LRRD1: variants seen among roughly 807,000 people sequenced by gnomAD.
LRRD1 encodes leucine rich repeats and death domain containing 1.
In LRRD1, 49 loss-of-function variants were observed where a neutral mutation model predicts 69.5. That is an observed-to-expected ratio of 0.70 (90% confidence interval 0.56 to 0.89). The LOEUF is 0.89. Ranked by LOEUF, LRRD1 falls within the 40% of genes least tolerant of loss-of-function variation. The probability of loss-of-function intolerance (pLI) is 0.00; values close to 1 mark genes in which losing one functional copy is unlikely to be tolerated. For synonymous variants in LRRD1, 303 were observed against 338.9 expected (o/e 0.89, Z 1.16); for missense variants, 853 against 956.0 (o/e 0.89, Z 1.42).
rs916885243 is a variant in LRRD1, at chr7:92,165,247, AT to A, written c.-46del. The A allele has an allele frequency of 6.8e-5, 79 of 1,153,446 alleles. No homozygotes were observed. The highest frequency in any genetic ancestry group is 7.8e-5 in the Non-Finnish European group (68 of 874,996). 71.5% of individuals were successfully genotyped at this position (1,153,446 alleles called of 1,614,324 possible). A position where few individuals can be genotyped will look rare whatever the true frequency, so the allele number is the denominator to read the frequency against. ...TATGCCAATACAAAATTGTAACTTG[AT>A]TTTAATTTTCATGTTTTTTCCTTTG... On this transcript the variant is annotated 5_prime_UTR_variant, in exon 2 of 6. An upstream open reading frame in the 5' UTR gains an earlier in-frame stop. Transcript: ENST00000458448.
chr7:92,163,997 A>C lies in LRRD1; in HGVS notation c.1206T>G (p.Leu402=). Residue 402 remains leucine (L), a synonymous_variant, in exon 2 of 6, where the codon CTT becomes CTG. Transcript: ENST00000458448. ...SCCAMLECLS[L]SDNKLTELPK... ...GGAGTTCTGTTAATTTATTATCACT[A>C]AGACTAAGGCATTCCAACATTGCAC... is the stretch of plus-strand genomic sequence containing the variant. The C allele has an allele frequency of 6.5e-7, 1 of 1,532,256 alleles. No homozygotes were observed. The highest frequency in any genetic ancestry group is 8.8e-7 in the Non-Finnish European group (1 of 1,140,324). The allele number at this position is 1,532,256 out of a possible 1,614,324, so 94.9% of individuals were successfully genotyped here.
chr7:92,150,553 C>G lies in LRRD1; in HGVS notation c.2259G>C (p.Gln753His). 1 of 1,549,612 alleles carries G rather than the reference C, an allele frequency of 6.5e-7. No homozygotes were observed. The highest frequency in any genetic ancestry group is 8.7e-7 in the Non-Finnish European group (1 of 1,145,948). The change falls in exon 4 of 6, where the codon CAG becomes CAC. Residue 753 changes from glutamine (Q) to histidine (H), a missense_variant. By Grantham distance (24) the Gln-to-His change is conservative. This residue lies in a region of LRRD1 where 739 missense variants were observed against 808.0 expected (regional missense o/e 0.91). Coordinates refer to ENST00000458448, the MANE Select transcript of LRRD1 (RefSeq NM_001161528.2). ...KQLYTIARYLQRADERDEKIL... is the reference protein window; with the variant it reads ...KQLYTIARYLHRADERDEKIL... ...ACCTACCATCTCTTTCATCTGCCCT[C>G]TGTAGATAGCGTGCAATAGTATACA...
At chr7:92,174,493 ATATATATATATATATATTTTTTTTTT>A (rs1348493543) in intron 1 of LRRD1, among the ~76,000 whole-genome samples, 1 of 16,336 alleles carries the variant, frequency 6.1e-5, no homozygotes, top group African/African-American at 2.6e-4. Flanking sequence ...ATATATATAT[ATATATATATATATATATTTTTTTTTT>A]TTTTTTTTTT....
At chr7:92,158,701 G>C (rs1000743917) in intron 3 of LRRD1, among the ~76,000 whole-genome samples, 1 of 152,142 alleles carries the variant, frequency 6.6e-6, no homozygotes, top group African/African-American at 2.4e-5. Context: ...AGGTTGTGTA[G>C]GTGTGTGTAG....
chr7:92,156,580 T>C (rs1788662532), intron 3 of LRRD1, among the ~76,000 whole-genome samples: 1 of 152,228 alleles, frequency 6.6e-6, no homozygotes, highest in South Asian at 2.1e-4. Context: ...AAGAAATCAA[T>C]TTCCAATCAT....
intron 4 of LRRD1, among the ~76,000 whole-genome samples, chr7:92,148,028 G>A (rs980168073): frequency 6.6e-6 from 1 of 152,014 alleles, no homozygotes; most frequent in Non-Finnish European, 1.5e-5. Context: ...GGAACTACAG[G>A]TGCCTCCAGA....
Position 92,159,003 on chromosome 7 carries a change from A to G in LRRD1, c.2116+2T>C. ...TGCTTACTGATTATGCTTGACACTCACCACTCAGGTTTAGTTGCTGCAGAT... is the reference window on the plus strand; with the variant it reads ...TGCTTACTGATTATGCTTGACACTCGCCACTCAGGTTTAGTTGCTGCAGAT... On this transcript the variant is annotated splice_donor_variant, in intron 3 of 5. Transcript: ENST00000458448. LOFTEE classifies it high-confidence loss of function. The G allele has an allele frequency of 6.5e-7, 1 of 1,534,970 alleles. No individual in the cohort carries two copies. Among genetic ancestry groups the G allele is most frequent in the Non-Finnish European group, 8.8e-7 (1 of 1,142,174 alleles).
At position 92,163,738 on chromosome 7, in the gene LRRD1, G is replaced by C; in HGVS notation, c.1465C>G (p.Leu489Val). 6.6e-7 allele frequency: 1 copy of C among 1,509,962 alleles called. No individual in the cohort carries two copies. Among genetic ancestry groups the C allele is most frequent in the Non-Finnish European group, 8.8e-7 (1 of 1,131,646 alleles). 93.5% of individuals were successfully genotyped at this position (1,509,962 alleles called of 1,614,324 possible). The change falls in exon 2 of 6, where the codon CTT becomes GTT. Residue 489 changes from leucine (L) to valine (V), a missense_variant. Around this residue, in one of 3 missense-constraint regions of LRRD1, gnomAD observed 739 missense variants for 808.0 expected, o/e 0.91. Transcript: ENST00000458448. ...TTTCCATTAACACTCAAATAATAAA[G>C]AGAATCTAAAGCACACAGTCCCAAT... Reference protein sequence around the residue: ...FPLGLCALDSLYYLSVNGNYI... With the variant: ...FPLGLCALDSVYYLSVNGNYI...
intron 1 of LRRD1, among the ~76,000 whole-genome samples, chr7:92,171,566 T>C (rs1167848443): frequency 6.6e-6 from 1 of 152,168 alleles, no homozygotes; most frequent in Non-Finnish European, 1.5e-5. Flanking sequence ...CCAGGCCTAG[T>C]GGCTTGACTT....
At chr7:92,157,264 A>G (rs1421884556) in intron 3 of LRRD1, among the ~76,000 whole-genome samples, 3 of 152,114 alleles carry the variant, frequency 2.0e-5, no homozygotes, top group Admixed American at 2.0e-4. Context: ...ATGGTGAATT[A>G]CATGGATTAG....
downstream of LRRD1, among the ~76,000 whole-genome samples, chr7:92,144,665 T>C (rs1370615294): frequency 6.8e-6 from 1 of 147,002 alleles, no homozygotes; most frequent in Non-Finnish European, 1.5e-5. Context: ...TATTTTCAAA[T>C]GCAACATCAC....
downstream of LRRD1, chr7:92,142,491 G>T (rs939569244): frequency 2.2e-6 from 1 of 456,736 alleles, no homozygotes; most frequent in South Asian, 1.5e-5. Context: ...TTCCATAGTA[G>T]CTCTGCAAAA....
intron 1 of LRRD1, among the ~76,000 whole-genome samples, chr7:92,174,509 A>AT (rs35052440): frequency 9.3e-4 from 12 of 12,870 alleles, no homozygotes; most frequent in African/African-American, 1.7e-3. Context: ...ATATATATAT[A>AT]TTTTTTTTTT....
At chr7:92,145,914 T>C (rs1217487436) in intron 5 of LRRD1, among the ~76,000 whole-genome samples, 169 bp downstream of exon 5, 1 of 152,246 alleles carries the variant, frequency 6.6e-6, no homozygotes, top group African/African-American at 2.4e-5. Context: ...TTCTTTATTA[T>C]GTTATATGGC....
intron 2 of LRRD1, among the ~76,000 whole-genome samples, chr7:92,159,778 C>T (rs767941117): frequency 3.4e-4 from 51 of 151,950 alleles, no homozygotes; most frequent in Admixed American, 5.3e-4. Context: ...CCCAGCACCA[C>T]GCCCAGCTAA....
At chr7:92,151,962 A>G (rs1254496332) in intron 3 of LRRD1, among the ~76,000 whole-genome samples, 1 of 151,244 alleles carries the variant, frequency 6.6e-6, no homozygotes, top group African/African-American at 2.4e-5. Context: ...AAAAAAAAAA[A>G]AAGAAGTAAA....
rs570584121 is a variant in LRRD1 at position 92,174,259 on chromosome 7, A to G, written c.-75+4748T>C. 2.8e-3 allele frequency among the ~76,000 whole-genome samples: 424 copies of G among 151,838 alleles called. 4 individuals carry two copies. The highest frequency in any genetic ancestry group is 9.6e-3 in the African/African-American group (398 of 41,436). On this transcript the variant is annotated intron_variant, in intron 1 of 5. Transcript: ENST00000458448. ...CGAAATAAGGCCTAGTGTTTGATAG[A>G]TCAGTAGGGTGACTATAGTTTACAA... is the stretch of plus-strand genomic sequence containing the variant.
At chr7:92,173,025 C>A (rs1789090416) in intron 1 of LRRD1, among the ~76,000 whole-genome samples, 1 of 152,048 alleles carries the variant, frequency 6.6e-6, no homozygotes, top group African/African-American at 2.4e-5. Context: ...GAATACAAAA[C>A]CCAGATATAA....
In LRRD1 at chr7:92,164,835, C is replaced by T. The variant is rs1206102074; in HGVS notation, c.368G>A (p.Gly123Glu). The part of the protein sequence containing the change: ...LVNFLSHETV[G>E]EVSPQVSEEN... Reference sequence around the variant, plus strand: ...TTCAGAGACTTGTGGACTAACTTCTCCTACTGTTTCATGAGATAGGAAGTT... The same window carrying T: ...TTCAGAGACTTGTGGACTAACTTCTTCTACTGTTTCATGAGATAGGAAGTT... The change falls in exon 2 of 6, where the codon GGA becomes GAA. Residue 123 changes from glycine (G) to glutamate (E), a missense_variant. Gly to Glu is a moderately conservative substitution (Grantham distance 98, BLOSUM62 -2). Around this residue, in one of 3 missense-constraint regions of LRRD1, gnomAD observed 15 missense variants for 40.9 expected, o/e 0.37. Transcript: ENST00000458448. 1.9e-6 allele frequency: 3 copies of T among 1,551,552 alleles called. No homozygotes were observed. Among genetic ancestry groups the T allele is most frequent in the African/African-American group, 1.4e-5 (1 of 73,180 alleles).
Sources: allele counts gnomAD v4.1 joint callset (sites outside exome capture counted in the v4.1 genomes callset), GRCh38; gene constraint gnomAD v4.1.1; regional missense constraint gnomAD v4.1.1; transcripts MANE v1.5; gene names NCBI Gene and HGNC (gene_info 2026-07-23, HGNC 2026-07-21).